Variants in ADGRL3 observed in about 807,000 individuals in gnomAD.
ADGRL3 encodes adhesion G protein-coupled receptor L3.
Under a neutral mutation model 153.5 loss-of-function variants are expected in ADGRL3, and 62 were observed. The observed-to-expected ratio is 0.40, with a 90% CI of 0.33 to 0.50. The LOEUF (loss-of-function observed/expected upper bound fraction) is 0.50, where lower values mean the gene tolerates loss of function less well. ADGRL3 is among the 20% of genes least tolerant of loss of function. The probability of loss-of-function intolerance (pLI) is 0.47; values close to 1 mark genes in which losing one functional copy is unlikely to be tolerated. For missense variants in ADGRL3, 1,641 were observed against 1,859.4 expected, an observed-to-expected ratio of 0.88 and a Z score of 2.16; for synonymous variants, 710 against 672.5, an observed-to-expected ratio of 1.06 and a Z score of -0.86.
intron 5 of ADGRL3, among the ~76,000 whole-genome samples, chr4:61,665,734 C>T (rs2094770887): frequency 6.6e-6 from 1 of 152,144 alleles, no homozygotes; most frequent in African/African-American, 2.4e-5. Flanking sequence ...AATGCCATCA[C>T]ATTTCTATTT....
chr4:61,833,877 G>T (rs1466064810), intron 9 of ADGRL3, among the ~76,000 whole-genome samples: 2 of 151,516 alleles, frequency 1.3e-5, no homozygotes, highest in Non-Finnish European at 2.9e-5. Context: ...AACAGGAGCA[G>T]TTTGGAGGAT....
chr4:61,482,273 A>G (rs932805904), intron 2 of ADGRL3, among the ~76,000 whole-genome samples: 2 of 152,200 alleles, frequency 1.3e-5, no homozygotes, highest in Non-Finnish European at 2.9e-5. Flanking sequence ...GTAAAAAATC[A>G]TCTGCTTTAT....
At chr4:61,723,426 C>G (rs772887279) in intron 6 of ADGRL3, among the ~76,000 whole-genome samples, 1 of 152,018 alleles carries the variant, frequency 6.6e-6, no homozygotes, top group Non-Finnish European at 1.5e-5. Context: ...GAAAAAAGCT[C>G]CCCCATACAG....
intron 6 of ADGRL3, among the ~76,000 whole-genome samples, chr4:61,693,548 A>C (rs2095578789): frequency 6.6e-6 from 1 of 152,150 alleles, no homozygotes; most frequent in Non-Finnish European, 1.5e-5. Context: ...TTTGATTTTA[A>C]GGCTTGCTCC....
chr4:61,708,602 T>C (rs1309483144), intron 6 of ADGRL3, among the ~76,000 whole-genome samples: 4 of 152,092 alleles, frequency 2.6e-5, no homozygotes, highest in Admixed American at 2.6e-4. Context: ...GTAGGTTTGT[T>C]ACATAGGTAA....
intron 1 of ADGRL3, among the ~76,000 whole-genome samples, chr4:61,365,211 G>C (rs1377168691): frequency 6.6e-6 from 1 of 150,958 alleles, no homozygotes; most frequent in Non-Finnish European, 1.5e-5. Flanking sequence ...TGAAATCATT[G>C]TTACTGAGTT....
intron 6 of ADGRL3, 46 bp downstream of exon 6, chr4:61,676,981 A>G (rs2095215929): frequency 8.0e-7 from 1 of 1,243,984 alleles, no homozygotes; most frequent in Non-Finnish European, 1.2e-6. Context: ...AAGATACTAA[A>G]CTGTGTTTTG....
chr4:61,858,154 A>G (rs1338099646), intron 9 of ADGRL3, among the ~76,000 whole-genome samples: 2 of 152,222 alleles, frequency 1.3e-5, no homozygotes, highest in Admixed American at 6.5e-5. Flanking sequence ...ATGGCAGTAA[A>G]TTAAATGATC....
intron 11 of ADGRL3, among the ~76,000 whole-genome samples, chr4:61,908,538 G>A (rs938314535): frequency 2.0e-5 from 3 of 150,600 alleles, no homozygotes; most frequent in Non-Finnish European, 2.9e-5. Flanking sequence ...AACTCAGGAG[G>A]CAGAGGTTGC....
At chr4:61,795,085 A>T (rs1305023355) in intron 8 of ADGRL3, among the ~76,000 whole-genome samples, 2 of 152,236 alleles carry the variant, frequency 1.3e-5, no homozygotes, top group African/African-American at 4.8e-5. Context: ...CAAGTAAAAC[A>T]ATTATAACTA....
intron 2 of ADGRL3, among the ~76,000 whole-genome samples, chr4:61,404,741 G>T (rs1371549459): frequency 1.3e-5 from 2 of 151,942 alleles, no homozygotes; most frequent in East Asian, 3.9e-4. Flanking sequence ...TTTGCAAAAA[G>T]TGTCTGTTTA....
At chr4:61,567,761 A>T (rs1339272457) in intron 4 of ADGRL3, among the ~76,000 whole-genome samples, 1 of 152,184 alleles carries the variant, frequency 6.6e-6, no homozygotes. Flanking sequence ...GTACATACAT[A>T]AGTAGGGAAA....
intron 2 of ADGRL3, among the ~76,000 whole-genome samples, chr4:61,429,114 C>G (rs980124425): frequency 6.6e-6 from 1 of 152,072 alleles, no homozygotes; most frequent in African/African-American, 2.4e-5. Flanking sequence ...AAAACACTGT[C>G]CAATGTTTGC....
At chr4:61,352,092 A>G (rs1196110359) in intron 1 of ADGRL3, among the ~76,000 whole-genome samples, 1 of 152,188 alleles carries the variant, frequency 6.6e-6, no homozygotes, top group African/African-American at 2.4e-5. Context: ...TCAAAATGTT[A>G]GCATTAACAG....
chr4:62,035,467 G>A (rs1017829132), intron 23 of ADGRL3, among the ~76,000 whole-genome samples: 1 of 151,918 alleles, frequency 6.6e-6, no homozygotes, highest in Non-Finnish European at 1.5e-5. Flanking sequence ...ATACCATTTT[G>A]CTGTGTACCT....
intron 9 of ADGRL3, among the ~76,000 whole-genome samples, chr4:61,888,542 C>G (rs764279611): frequency 2.0e-5 from 3 of 152,304 alleles, no homozygotes; most frequent in Admixed American, 1.3e-4. Context: ...AGTACCTATT[C>G]TGCCAAAAGT....
intron 1 of ADGRL3, among the ~76,000 whole-genome samples, chr4:61,334,219 C>A (rs2095631581): frequency 6.6e-6 from 1 of 152,116 alleles, no homozygotes; most frequent in African/African-American, 2.4e-5. Context: ...GCCCAGCCAA[C>A]ATTTTTTTTA....
chr4:61,262,271 G>C (rs561666791), intron 1 of ADGRL3, among the ~76,000 whole-genome samples: 1 of 151,970 alleles, frequency 6.6e-6, no homozygotes, highest in Non-Finnish European at 1.5e-5. Flanking sequence ...TGTAGTAAAG[G>C]TCTTTGTGAA....
At position 61,824,155 on chromosome 4, in the gene ADGRL3, A is replaced by G. The variant is rs570647599; in HGVS notation, c.1480+10266A>G. Among the ~76,000 whole-genome samples, 3 of 152,194 alleles carry G rather than the reference A, an allele frequency of 2.0e-5. No individual in the cohort carries two copies. The South Asian group carries it at 6.2e-4, about 31-fold the overall frequency. On this transcript the variant is annotated intron_variant, in intron 9 of 26. Coordinates refer to ENST00000683033, the MANE Select transcript of ADGRL3 (RefSeq NM_001387552.1). The stretch of plus-strand genomic sequence containing the variant: ...AGTATTTTTAAGAAAATCTTTCATC[A>G]TCTTATTTATTCATCTTAAGAATGC...
Sources: gnomAD v4.1 joint callset for allele counts (sites outside exome capture counted in the v4.1 genomes callset) on GRCh38, gnomAD v4.1.1 for gene constraint, MANE v1.5 for transcripts, NCBI Gene and HGNC (gene_info 2026-07-23, HGNC 2026-07-21) for gene names.